Variants in PARD3 observed in about 807,000 individuals in gnomAD.
PARD3 encodes the protein par-3 family cell polarity regulator, also known as partitioning defective 3 homolog.
A neutral mutation model predicts 155.4 loss-of-function variants in PARD3; 75 were observed. The ratio of observed to expected loss-of-function variants is 0.48; its 90% confidence interval spans 0.40 to 0.58. The LOEUF (loss-of-function observed/expected upper bound fraction) is 0.58, where lower values mean the gene tolerates loss of function less well. PARD3 is among the 20% of genes least tolerant of loss of function. PARD3 has a pLI of 0.00. For missense variants in PARD3, 1,642 were observed against 1,721.7 expected (o/e 0.95, Z 0.82); for synonymous variants, 576 against 610.5 (o/e 0.94, Z 0.83).
chr10:34,775,668 G>T (rs1839435616), intron 1 of PARD3, among the ~76,000 whole-genome samples: 1 of 152,128 alleles, frequency 6.6e-6, no homozygotes, highest in Admixed American at 6.5e-5. Flanking sequence ...CAAATATAAA[G>T]GAAAGCAAAG....
rs184935295 is a variant in PARD3 at position 34,808,841 on chromosome 10, G to C, written c.120+6035C>G. Among the ~76,000 whole-genome samples, 427 of 150,420 alleles carry C rather than the reference G, an allele frequency of 2.8e-3. 3 individuals carry two copies. The highest frequency in any genetic ancestry group is 0.01 in the African/African-American group (407 of 39,836). On this transcript the variant is annotated intron_variant, in intron 1 of 24. Coordinates refer to ENST00000374788, the MANE Select transcript of PARD3 (RefSeq NM_001184785.2). ...ACAAGCCAAGAAGCGCTTCACATCC[G>C]CCAGATTCTCTCTGAGAATCTCAGA...
intron 22 of PARD3, among the ~76,000 whole-genome samples, chr10:34,206,691 G>C (rs1951496381): frequency 6.6e-6 from 1 of 152,200 alleles, no homozygotes; most frequent in Non-Finnish European, 1.5e-5. Flanking sequence ...TGCAAATTAA[G>C]AGATGGGTTA....
At chr10:34,326,676 AAAC>A (rs1410470745) in intron 19 of PARD3, among the ~76,000 whole-genome samples, 2 of 152,218 alleles carry the variant, frequency 1.3e-5, no homozygotes, top group Non-Finnish European at 2.9e-5. Flanking sequence ...ATAGCTAATA[AAAC>A]AATAACAAAA....
chr10:34,140,145 G>A (rs766812731), intron 22 of PARD3, among the ~76,000 whole-genome samples: 5 of 151,634 alleles, frequency 3.3e-5, no homozygotes, highest in Non-Finnish European at 5.9e-5. Flanking sequence ...TTTTCTCCTG[G>A]CTCTCAAATC....
At chr10:34,412,232 G>C (rs149990062) in intron 5 of PARD3, among the ~76,000 whole-genome samples, 1,803 of 152,152 alleles carry the variant, frequency 0.012, 12 homozygotes, top group Non-Finnish European at 0.017. Context: ...CAAAGTGCTA[G>C]GAATACAGGC....
chr10:34,425,648 T>C (rs1256664719), intron 5 of PARD3, among the ~76,000 whole-genome samples: 2 of 152,130 alleles, frequency 1.3e-5, no homozygotes. Context: ...CCTGCTGCCT[T>C]GGCCTCCCAA....
At chr10:34,670,879 G>A (rs2093598593) in intron 2 of PARD3, among the ~76,000 whole-genome samples, 1 of 152,188 alleles carries the variant, frequency 6.6e-6, no homozygotes, top group Non-Finnish European at 1.5e-5. Context: ...CTGAAGTTGT[G>A]TGTACCTGAA....
intron 22 of PARD3, among the ~76,000 whole-genome samples, chr10:34,173,994 C>T (rs969257687): frequency 1.3e-5 from 2 of 152,156 alleles, no homozygotes; most frequent in African/African-American, 4.8e-5. Flanking sequence ...CTGCTGCACC[C>T]CCAAGGCAAG....
At chr10:34,142,320 A>G (rs1048541931) in intron 22 of PARD3, among the ~76,000 whole-genome samples, 16 of 152,110 alleles carry the variant, frequency 1.1e-4, no homozygotes, top group African/African-American at 3.6e-4. Flanking sequence ...AGATGGGAGC[A>G]TCGCTTTAGC....
At position 34,360,240 on chromosome 10, in the gene PARD3, A is replaced by G. The variant is rs1355689452; in HGVS notation, c.1727T>C (p.Ile576Thr). 1.2e-6 allele frequency: 2 copies of G among 1,613,042 alleles called. No homozygotes were observed. The highest frequency in any genetic ancestry group is 3.3e-5 in the Admixed American group (2 of 60,004). The change falls in exon 13 of 25, where the codon ATT becomes ACT. Residue 576 changes from isoleucine (I) to threonine (T), a missense_variant. This residue lies in a region of PARD3 where 1,529 missense variants were observed against 1,587.3 expected (regional missense o/e 0.96). Transcript: ENST00000374788. ...PKETKAEDED[I>T]VLTPDGTREF... is the part of the protein sequence containing the mutation. ...CCTGGTGCCATCAGGTGTAAGAACAATATCCTCATCTTCTGCTTTCTAATA... is the reference window on the plus strand; with the variant it reads ...CCTGGTGCCATCAGGTGTAAGAACAGTATCCTCATCTTCTGCTTTCTAATA...
At chr10:34,709,308 A>G (rs1173883495) in intron 1 of PARD3, among the ~76,000 whole-genome samples, 2 of 152,196 alleles carry the variant, frequency 1.3e-5, no homozygotes, top group Non-Finnish European at 2.9e-5. Flanking sequence ...TTAAGTACTT[A>G]TGTGTGGAAT....
intron 2 of PARD3, among the ~76,000 whole-genome samples, chr10:34,608,268 T>TGCCTCGCTCTTCCACAATTAC (rs1389131132): frequency 6.6e-6 from 1 of 152,250 alleles, no homozygotes; most frequent in African/African-American, 2.4e-5. Flanking sequence ...CCATGATTTC[T>TGCCTCGCTCTTCCACAATTAC]GCCTCGCTCT....
chr10:34,597,815 T>C (rs554916215), intron 2 of PARD3, among the ~76,000 whole-genome samples: 15 of 152,290 alleles, frequency 9.8e-5, no homozygotes, highest in African/African-American at 3.6e-4. Flanking sequence ...GCTGGGGGCA[T>C]CACTGTCTCC....
chr10:34,357,967 G>A (rs938291811), intron 14 of PARD3, among the ~76,000 whole-genome samples: 1 of 152,112 alleles, frequency 6.6e-6, no homozygotes, highest in Non-Finnish European at 1.5e-5. Flanking sequence ...TGCTTTATGT[G>A]TTTATTAAAC....
intron 1 of PARD3, among the ~76,000 whole-genome samples, chr10:34,729,263 G>A (rs1383438500): frequency 6.6e-6 from 1 of 152,182 alleles, no homozygotes; most frequent in East Asian, 1.9e-4. Flanking sequence ...AGGCGTGGAG[G>A]CTCATGCCTA....
rs538288067 is a variant in PARD3, at chr10:34,112,424, T to C, written c.3669-862A>G. On this transcript the variant is annotated intron_variant, in intron 24 of 24. Coordinates refer to ENST00000374788, the MANE Select transcript of PARD3 (RefSeq NM_001184785.2). ...CATCTTTAATTTACTATCAAGTCTC[T>C]AGATGGTTTTATGAATTTACAATAA... Among the ~76,000 whole-genome samples, 78 of 152,320 alleles carry C rather than the reference T, an allele frequency of 5.1e-4. 2 individuals carry two copies. The South Asian group carries it at 0.015, about 30-fold the overall frequency.
chr10:34,610,677 T>G (rs1315322586), intron 2 of PARD3, among the ~76,000 whole-genome samples: 1 of 152,220 alleles, frequency 6.6e-6, no homozygotes, highest in African/African-American at 2.4e-5. Context: ...ATATATAATG[T>G]GGTTGCTGAC....
intron 1 of PARD3, among the ~76,000 whole-genome samples, chr10:34,717,501 C>T (rs1369900572): frequency 6.6e-6 from 1 of 152,150 alleles, no homozygotes; most frequent in Non-Finnish European, 1.5e-5. Context: ...CCTGCAATCG[C>T]AGAGTTCAAA....
At chr10:34,244,438 A>G (rs1953809247) in intron 22 of PARD3, among the ~76,000 whole-genome samples, 1 of 152,224 alleles carries the variant, frequency 6.6e-6, no homozygotes. Flanking sequence ...GCCTCAAAAT[A>G]ACCTACATAC....
Sources: allele counts gnomAD v4.1 joint callset (sites outside exome capture counted in the v4.1 genomes callset), GRCh38; gene constraint gnomAD v4.1.1; regional missense constraint gnomAD v4.1.1; transcripts MANE v1.5; gene names NCBI Gene and HGNC (gene_info 2026-07-23, HGNC 2026-07-21).